The following CNTN6 variants were observed in gnomAD, a reference collection of about 807,000 sequenced individuals.
CNTN6 encodes the protein contactin 6.
In CNTN6, 137 loss-of-function variants were observed where a neutral mutation model predicts 122.8. The ratio of observed to expected loss-of-function variants is 1.12; its 90% CI spans 0.97 to 1.29. The LOEUF (loss-of-function observed/expected upper bound fraction) is 1.29, where lower values mean the gene tolerates loss of function less well. Among genes scored for constraint, CNTN6 ranks in the 50% most tolerant of loss-of-function variants. The probability of loss-of-function intolerance (pLI) is 0.00; values close to 1 mark genes in which losing one functional copy is unlikely to be tolerated. For synonymous variants in CNTN6, 570 were observed against 426.0 expected (o/e 1.34, Z -4.16); for missense variants, 1,634 against 1,223.4 (o/e 1.34, Z -5.01).
intron 2 of CNTN6, among the ~76,000 whole-genome samples, chr3:1,189,701 A>G (rs577224831): frequency 1.3e-5 from 2 of 152,246 alleles, no homozygotes; most frequent in East Asian, 3.9e-4. Flanking sequence ...ACTAACTGCA[A>G]TGAGAAGCCT....
At chr3:1,141,694 G>T (rs924199364) in intron 1 of CNTN6, among the ~76,000 whole-genome samples, 7 of 152,142 alleles carry the variant, frequency 4.6e-5, no homozygotes, top group African/African-American at 1.7e-4. Flanking sequence ...CCAAGTCCAT[G>T]TAACCTAGAT....
intron 2 of CNTN6, among the ~76,000 whole-genome samples, chr3:1,211,926 T>G (rs2094044512): frequency 6.6e-6 from 1 of 152,134 alleles, no homozygotes; most frequent in African/African-American, 2.4e-5. Context: ...TTTAAGGATC[T>G]CCACAGTTTA....
chr3:1,240,761 A>G (rs1297204324), intron 4 of CNTN6, among the ~76,000 whole-genome samples: 1 of 152,108 alleles, frequency 6.6e-6, no homozygotes, highest in Non-Finnish European at 1.5e-5. Context: ...GTGTGAAGAG[A>G]CCACCAAACA....
chr3:1,306,751 C>T (rs1698424792), intron 7 of CNTN6, among the ~76,000 whole-genome samples: 1 of 152,218 alleles, frequency 6.6e-6, no homozygotes, highest in Middle Eastern at 3.4e-3. Flanking sequence ...ATAGTAACTA[C>T]TTTATTAATC....
intron 11 of CNTN6, among the ~76,000 whole-genome samples, chr3:1,340,867 TA>T (rs1176376207): frequency 1.3e-5 from 2 of 152,138 alleles, no homozygotes; most frequent in Non-Finnish European, 2.9e-5. Context: ...TAATAATCAT[TA>T]GCGTTCCAGC....
intron 14 of CNTN6, among the ~76,000 whole-genome samples, chr3:1,373,384 A>T (rs1269641839): frequency 6.6e-6 from 1 of 152,084 alleles, no homozygotes; most frequent in Non-Finnish European, 1.5e-5. Flanking sequence ...CAATCATCCT[A>T]TGCCTGATAT....
chr3:1,100,299 C>A (rs1015454388), intron 1 of CNTN6, among the ~76,000 whole-genome samples: 2 of 152,124 alleles, frequency 1.3e-5, no homozygotes, highest in Non-Finnish European at 2.9e-5. Flanking sequence ...GTGGAAGATA[C>A]TTTTCTCTCA....
intron 12 of CNTN6, among the ~76,000 whole-genome samples, chr3:1,357,859 TTTATGTAAATGCAC>T (rs1706832069): frequency 7.1e-6 from 1 of 141,772 alleles, no homozygotes; most frequent in South Asian, 2.1e-4. Flanking sequence ...TAAATGCACA[TTTATGTAAATGCAC>T]ATTTATGTAA....
At chr3:1,133,155 TGAAAG>T (rs1197016652) in intron 1 of CNTN6, among the ~76,000 whole-genome samples, 12 of 152,202 alleles carry the variant, frequency 7.9e-5, no homozygotes, top group African/African-American at 2.6e-4. Flanking sequence ...GATTAGAAGT[TGAAAG>T]GAAAGTGGAA....
At chr3:1,295,918 G>A in intron 6 of CNTN6, 114 bp downstream of exon 6, 1 of 854,968 alleles carries the variant, frequency 1.2e-6, no homozygotes, top group Non-Finnish European at 1.8e-6. Context: ...TACGAGTTTA[G>A]GTTCAATTCA....
intron 2 of CNTN6, among the ~76,000 whole-genome samples, chr3:1,210,385 G>T (rs562045088): frequency 6.6e-6 from 1 of 150,816 alleles, no homozygotes; most frequent in East Asian, 1.9e-4. Context: ...AGAAAGAAGG[G>T]AAGTGAAGGG....
chr3:1,258,478 A>T (rs9829250), intron 4 of CNTN6, among the ~76,000 whole-genome samples: 11,206 of 152,178 alleles, frequency 0.074, 447 homozygotes, highest in Middle Eastern at 0.11. Context: ...AATGCAGGGA[A>T]ATCTTGCTTC....
intron 4 of CNTN6, among the ~76,000 whole-genome samples, chr3:1,242,588 G>C (rs557632397): frequency 6.6e-6 from 1 of 152,122 alleles, no homozygotes; most frequent in Non-Finnish European, 1.5e-5. Context: ...AGATTTTAAC[G>C]GGATGGTAAT....
intron 1 of CNTN6, among the ~76,000 whole-genome samples, chr3:1,116,083 T>C (rs1274576608): frequency 1.3e-5 from 2 of 152,166 alleles, no homozygotes; most frequent in Non-Finnish European, 2.9e-5. Context: ...TCCAAAATTA[T>C]GTAAAATTTA....
intron 1 of CNTN6, among the ~76,000 whole-genome samples, chr3:1,094,699 T>TA (rs984921147): frequency 1.5e-4 from 22 of 151,422 alleles, no homozygotes; most frequent in Admixed American, 1.1e-3. Context: ...GAACCCCCTC[T>TA]AAAAAAAATC....
At chr3:1,402,801 G>T (rs1486343870) in intron 22 of CNTN6, 2 of 227,970 alleles carry the variant, frequency 8.8e-6, no homozygotes, top group Non-Finnish European at 1.7e-5. Flanking sequence ...GATTCTTTCG[G>T]GTCTTTTACA....
intron 3 of CNTN6, among the ~76,000 whole-genome samples, chr3:1,221,659 G>C (rs749898386): frequency 1.1e-4 from 16 of 152,150 alleles, no homozygotes; most frequent in Non-Finnish European, 2.1e-4. Flanking sequence ...AGCAAAGGCA[G>C]AATTTGCTTC....
chr3:1,330,590 C>G (rs965681409), intron 11 of CNTN6, among the ~76,000 whole-genome samples: 1 of 151,904 alleles, frequency 6.6e-6, no homozygotes, highest in Non-Finnish European at 1.5e-5. Flanking sequence ...AGATGCTGCT[C>G]TCTTTTAATG....
chr3:1,138,636 A>G (rs1349652077), intron 1 of CNTN6, among the ~76,000 whole-genome samples: 1 of 152,028 alleles, frequency 6.6e-6, no homozygotes, highest in East Asian at 1.9e-4. Flanking sequence ...TACCACTCTA[A>G]TATTGCTCAC....
Sources: gnomAD v4.1 joint callset for allele counts (sites outside exome capture counted in the v4.1 genomes callset) on GRCh38, gnomAD v4.1.1 for gene constraint, MANE v1.5 for transcripts, NCBI Gene and HGNC (gene_info 2026-07-23, HGNC 2026-07-21) for gene names.